The following PTPRO variants were observed in gnomAD, a reference collection of about 807,000 sequenced individuals.
PTPRO encodes protein tyrosine phosphatase receptor type O.
PTPRO carries 62 observed loss-of-function variants against 145.2 expected under a neutral mutation model. The ratio of observed to expected loss-of-function variants is 0.43; its 90% CI spans 0.35 to 0.53. PTPRO has a LOEUF of 0.53. PTPRO is among the 20% of genes least tolerant of loss of function. The pLI is 0.01. For synonymous variants in PTPRO, 565 were observed against 514.7 expected, an observed-to-expected ratio of 1.10 and a Z score of -1.32; for missense variants, 1,345 against 1,482.7, an observed-to-expected ratio of 0.91 and a Z score of 1.53.
chr12:15,441,795 A>G (rs7962555), intron 1 of PTPRO, among the ~76,000 whole-genome samples: 13,101 of 152,154 alleles, frequency 0.086, 1,612 homozygotes, highest in African/African-American at 0.27. Context: ...TCCCATGATT[A>G]AATCAAGAAG....
intron 13 of PTPRO, among the ~76,000 whole-genome samples, chr12:15,547,749 C>G (rs1407268174): frequency 6.6e-6 from 1 of 152,124 alleles, no homozygotes; most frequent in African/African-American, 2.4e-5. Context: ...GGTTAGTTAG[C>G]TACTTACTAC....
intron 1 of PTPRO, among the ~76,000 whole-genome samples, chr12:15,334,593 A>G (rs1182780385): frequency 6.6e-6 from 1 of 152,182 alleles, no homozygotes; most frequent in Non-Finnish European, 1.5e-5. Flanking sequence ...TCCATAGTCT[A>G]TTAACTGTAC....
rs990147234 is a variant in PTPRO at position 15,403,153 on chromosome 12, T to A, written c.75+80352T>A. ...ATGATATATAAGTCCCTGAATGGCG[T>A]GGTCTCTTCCTATCTGGCTTGTTGC... On this transcript the variant is annotated intron_variant, in intron 1 of 26. Coordinates refer to ENST00000281171, the MANE Select transcript of PTPRO (RefSeq NM_030667.3). 5.3e-5 allele frequency among the ~76,000 whole-genome samples: 8 copies of A among 152,294 alleles called. No homozygotes were observed. The East Asian group carries it at 1.5e-3, about 29-fold the overall frequency.
intron 2 of PTPRO, among the ~76,000 whole-genome samples, chr12:15,488,013 C>A (rs1246487208): frequency 1.3e-5 from 2 of 152,068 alleles, no homozygotes; most frequent in Admixed American, 1.3e-4. Context: ...TAGTGTGTCG[C>A]CTCTCTCCAG....
chr12:15,578,816 G>A (rs758798378), intron 19 of PTPRO, 37 bp from the exon 20 acceptor site: 16 of 1,451,338 alleles, frequency 1.1e-5, no homozygotes, highest in South Asian at 5.7e-5. Context: ...TTCACACCAC[G>A]TATGGAACTC....
Position 15,352,508 on chromosome 12 carries a change from G to A in PTPRO, c.75+29707G>A, listed in dbSNP as rs757032538. Among the ~76,000 whole-genome samples the A allele has an allele frequency of 2.6e-5, 4 of 151,828 alleles. No individual in the cohort carries two copies. In the South Asian group the frequency reaches 6.2e-4, roughly 24 times the overall value. On this transcript the variant is annotated intron_variant, in intron 1 of 26. Transcript: ENST00000281171. Reference sequence around the variant, plus strand: ...TACTAAAAAATACAAAGAATTAGCCGGGTGTGGTGGCAGGCGCCTGTAGTC... The same window carrying A: ...TACTAAAAAATACAAAGAATTAGCCAGGTGTGGTGGCAGGCGCCTGTAGTC...
At chr12:15,354,323 T>C (rs1419969697) in intron 1 of PTPRO, among the ~76,000 whole-genome samples, 2 of 152,222 alleles carry the variant, frequency 1.3e-5, no homozygotes, top group Non-Finnish European at 2.9e-5. Flanking sequence ...AGCTTCACCA[T>C]AAATGTGATG....
chr12:15,324,173 G>A (rs1866379764), intron 1 of PTPRO, among the ~76,000 whole-genome samples: 1 of 152,118 alleles, frequency 6.6e-6, no homozygotes, highest in Admixed American at 6.5e-5. Flanking sequence ...TTATCAAACT[G>A]TCACAACTAT....
At chr12:15,464,554 G>A (rs1278091334) in intron 1 of PTPRO, among the ~76,000 whole-genome samples, 1 of 151,286 alleles carries the variant, frequency 6.6e-6, no homozygotes, top group African/African-American at 2.4e-5. Context: ...TTAATAGAGG[G>A]GGGTTTCACC....
chr12:15,330,096 C>A (rs149693746), intron 1 of PTPRO, among the ~76,000 whole-genome samples: 2 of 152,114 alleles, frequency 1.3e-5, no homozygotes, highest in East Asian at 3.8e-4. Flanking sequence ...GAGGCCTTAT[C>A]GAAGGGTTTA....
At chr12:15,562,569 C>T (rs191291211) in intron 17 of PTPRO, among the ~76,000 whole-genome samples, 4 of 152,190 alleles carry the variant, frequency 2.6e-5, no homozygotes, top group Non-Finnish European at 4.4e-5. Flanking sequence ...TAGTGTTGCT[C>T]GAATCTCTTC....
chr12:15,416,983 T>G (rs1422957004), intron 1 of PTPRO, among the ~76,000 whole-genome samples: 1 of 151,708 alleles, frequency 6.6e-6, no homozygotes, highest in Non-Finnish European at 1.5e-5. Context: ...TCATATTGAT[T>G]AGATGTAATT....
intron 1 of PTPRO, among the ~76,000 whole-genome samples, chr12:15,473,446 G>A (rs1040295288): frequency 1.3e-5 from 2 of 152,158 alleles, no homozygotes; most frequent in Non-Finnish European, 2.9e-5. Flanking sequence ...GTGTTTGGAA[G>A]TTAGTTAAAC....
intron 1 of PTPRO, among the ~76,000 whole-genome samples, chr12:15,467,013 C>T (rs1036976793): frequency 9.2e-5 from 14 of 152,244 alleles, no homozygotes; most frequent in African/African-American, 3.4e-4. Context: ...GGATGTATTA[C>T]TTAATCTTTC....
intron 1 of PTPRO, among the ~76,000 whole-genome samples, chr12:15,395,999 T>C (rs1939328430): frequency 6.6e-6 from 1 of 152,234 alleles, no homozygotes; most frequent in Non-Finnish European, 1.5e-5. Context: ...TAATTTCTGA[T>C]GAATGCATTT....
At chr12:15,513,419 T>C (rs1163784008) in intron 7 of PTPRO, among the ~76,000 whole-genome samples, 1 of 152,032 alleles carries the variant, frequency 6.6e-6, no homozygotes, top group African/African-American at 2.4e-5. Flanking sequence ...AGTATAAATA[T>C]GAAAGAAAGA....
intron 12 of PTPRO, among the ~76,000 whole-genome samples, chr12:15,536,897 A>G (rs1591700981): frequency 6.6e-6 from 1 of 152,314 alleles, no homozygotes. Flanking sequence ...ATAAGAGATT[A>G]TACTTGTTTA....
At position 15,465,388 on chromosome 12, in the gene PTPRO, C is replaced by T. The variant is rs148937602; in HGVS notation, c.76-18586C>T. Among the ~76,000 whole-genome samples the T allele has an allele frequency of 1.3e-4, 20 of 152,294 alleles. 1 individual carries two copies. Among genetic ancestry groups the T allele is most frequent in the African/African-American group, 4.8e-4 (20 of 41,566 alleles). ...TTCTGTTTTATGTGAATAACCTGAA[C>T]ATATTTCTTCTTTATATATTGGTTT... On this transcript the variant is annotated intron_variant, in intron 1 of 26. Coordinates refer to ENST00000281171, the MANE Select transcript of PTPRO (RefSeq NM_030667.3).
At chr12:15,518,338 G>C (rs71459182) in intron 9 of PTPRO, among the ~76,000 whole-genome samples, 219 of 152,302 alleles carry the variant, frequency 1.4e-3, no homozygotes, top group Non-Finnish European at 2.5e-3. Context: ...CACAGCACAG[G>C]GACCCTGGGC....
Sources: gnomAD v4.1 joint callset for allele counts (sites outside exome capture counted in the v4.1 genomes callset) on GRCh38, gnomAD v4.1.1 for gene constraint, MANE v1.5 for transcripts, NCBI Gene and HGNC (gene_info 2026-07-23, HGNC 2026-07-21) for gene names.